Variants in TNRC18 observed in about 807,000 individuals in gnomAD.
The protein encoded by TNRC18 is trinucleotide repeat containing 18.
TNRC18 carries 69 observed loss-of-function variants against 226.7 expected under a neutral mutation model. The ratio of observed to expected loss-of-function variants is 0.30; its 90% CI spans 0.25 to 0.37. TNRC18 has a LOEUF of 0.37. TNRC18 is among the 10% of genes least tolerant of loss of function. TNRC18 has a pLI of 1.00. For synonymous variants in TNRC18, 2,449 were observed against 1,927.6 expected, an observed-to-expected ratio of 1.27 and a Z score of -7.09; for missense variants, 4,754 against 4,256.6, an observed-to-expected ratio of 1.12 and a Z score of -3.25.
At chr7:5,399,944 AG>A (rs1487821399) in intron 2 of TNRC18, among the ~76,000 whole-genome samples, 1 of 151,222 alleles carries the variant, frequency 6.6e-6, no homozygotes, top group Non-Finnish European at 1.5e-5. Flanking sequence ...TGGGGAGCTG[AG>A]GTGGTGCGAT....
chr7:5,364,923 G>T (rs920123435), intron 11 of TNRC18, among the ~76,000 whole-genome samples: 6 of 151,364 alleles, frequency 4.0e-5, no homozygotes, highest in African/African-American at 1.5e-4. Flanking sequence ...CTCATTATGA[G>T]CTTGGACCTT....
Position 5,388,172 on chromosome 7 carries a change from T to G in TNRC18, c.1652A>C (p.Tyr551Ser), listed in dbSNP as rs757573347. The G allele has an allele frequency of 1.3e-5, 21 of 1,579,852 alleles. No homozygotes were observed. Among genetic ancestry groups the G allele is most frequent in the Non-Finnish European group, 1.7e-5 (20 of 1,164,976 alleles). ...VVAASSSKKA[Y>S]LDPGAVLPRS... ...GGGCAGCACAGCCCCAGGGTCCAGG[T>G]AGGCCTTCTTGGAGGAGGAGGCAGC... The change falls in exon 5 of 30, where the codon TAC (tyrosine) becomes TCC (serine). Residue 551 changes from tyrosine (Y) to serine (S), a missense_variant. By Grantham distance (144) the Tyr-to-Ser change is moderately radical. Coordinates refer to ENST00000430969, the MANE Select transcript of TNRC18 (RefSeq NM_001080495.3).
At chr7:5,407,347 T>A (rs1781543184) in intron 2 of TNRC18, 1 of 152,442 alleles carries the variant, frequency 6.6e-6, no homozygotes, top group Admixed American at 6.5e-5. Flanking sequence ...CTGCCCCACC[T>A]GGGGCAGGAG....
At chr7:5,409,547 C>T (rs1331949565) in intron 2 of TNRC18, among the ~76,000 whole-genome samples, 2 of 151,580 alleles carry the variant, frequency 1.3e-5, no homozygotes, top group Non-Finnish European at 2.9e-5. Flanking sequence ...AGTGATTGCA[C>T]CACTGAACTC....
chr7:5,367,052 G>A (rs1176715943), intron 11 of TNRC18, among the ~76,000 whole-genome samples: 1 of 152,160 alleles, frequency 6.6e-6, no homozygotes, highest in African/African-American at 2.4e-5. Flanking sequence ...CATTCCGTAA[G>A]GCTGGTGTCC....
rs1791119236 is a variant in TNRC18 at position 5,345,740 on chromosome 7, G to A, written c.5541C>T (p.Tyr1847=). ...GGGCCCGCTCCCGGGCACCCAGCCT[G>A]TAGCCACCACCGCTGGCCTCGTCCT... ...EEEDEASGGG[Y]RLGARERALS... Residue 1847 remains tyrosine (Y), a synonymous_variant, in exon 18 of 30, where the codon TAC becomes TAT. Coordinates refer to ENST00000430969, the MANE Select transcript of TNRC18 (RefSeq NM_001080495.3). The A allele has an allele frequency of 1.3e-6, 2 of 1,548,526 alleles. No individual in the cohort carries two copies. The highest frequency in any genetic ancestry group is 8.7e-7 in the Non-Finnish European group (1 of 1,146,830).
At chr7:5,342,236 C>T (rs562577539) in intron 18 of TNRC18, among the ~76,000 whole-genome samples, 21 of 152,252 alleles carry the variant, frequency 1.4e-4, no homozygotes, top group Non-Finnish European at 3.1e-4. Flanking sequence ...CCAGACCAGT[C>T]TGGCCGACAT....
chr7:5,360,677 TG>T (rs1792941439), intron 14 of TNRC18, among the ~76,000 whole-genome samples: 2 of 152,182 alleles, frequency 1.3e-5, no homozygotes, highest in Admixed American at 1.3e-4. Context: ...ACGCTGCTGG[TG>T]GCCGCAGCCT....
chr7:5,400,201 ATTATTG>A (rs1455901555), intron 2 of TNRC18, among the ~76,000 whole-genome samples: 1 of 152,018 alleles, frequency 6.6e-6, no homozygotes, highest in Non-Finnish European at 1.5e-5. Flanking sequence ...CTGGTCTATG[ATTATTG>A]TTATTATTTA....
At chr7:5,406,788 T>C (rs1261143426) in intron 2 of TNRC18, among the ~76,000 whole-genome samples, 2 of 150,354 alleles carry the variant, frequency 1.3e-5, no homozygotes, top group Non-Finnish European at 3.0e-5. Context: ...GAGGCAGAGG[T>C]TGCAGTGAGC....
chr7:5,400,102 G>A (rs563838709), intron 2 of TNRC18, among the ~76,000 whole-genome samples: 4 of 152,016 alleles, frequency 2.6e-5, no homozygotes, highest in East Asian at 3.9e-4. Flanking sequence ...ACTATGTTGC[G>A]AAGTCTGGGG....
rs745451918 is a variant in TNRC18, at chr7:5,371,330, T to C, written c.3264A>G (p.Pro1088=). The C allele has an allele frequency of 4.6e-6, 7 of 1,527,564 alleles. No individual in the cohort carries two copies. In the East Asian group the frequency reaches 1.6e-4, roughly 35 times the overall value. The allele number at this position is 1,527,564 out of a possible 1,614,324, so 94.6% of individuals were successfully genotyped here. Residue 1088 remains proline (P), a synonymous_variant, in exon 11 of 30, where the codon CCA becomes CCG. Transcript: ENST00000430969. ...AAGGGTAGGGCCTCCCGTAGTGCGG[T>C]GGCAGGGCTTGGAACGGGTACCTGG... The part of the protein sequence containing the change: ...IPPRYPFQAL[P]PHYGRPYPFL...
Position 5,423,818 on chromosome 7 carries a change from T to C in TNRC18, c.-621A>G, listed in dbSNP as rs542104264. Among the ~76,000 whole-genome samples the C allele has an allele frequency of 6.8e-6, 1 of 147,548 alleles. No homozygotes were observed. Among genetic ancestry groups the C allele is most frequent in the South Asian group, 2.2e-4 (1 of 4,530 alleles). ...TACATTACACAACCCCCCTTTCAAG[T>C]TCCTCTCGCAGGATCTAAAAAAAAA... On this transcript the variant is annotated 5_prime_UTR_variant, in exon 1 of 30. Transcript: ENST00000430969.
chr7:5,387,963 G>A lies in TNRC18; in HGVS notation c.1861C>T (p.Pro621Ser), dbSNP rs779151169. Residue 621 changes from proline (P) to serine (S), a missense_variant, in exon 5 of 30, where the codon CCC (proline) becomes TCC (serine). Coordinates refer to ENST00000430969, the MANE Select transcript of TNRC18 (RefSeq NM_001080495.3). ...CCCGCAGAGGTGGGCGCAGGCTCGG[G>A]TTTCATGGTGCCCAAACCTCCAAAG... ...SPFGGLGTMK[P>S]EPAPTSAGAS... is the part of the protein sequence containing the mutation. 3 of 1,597,420 alleles carry A rather than the reference G, an allele frequency of 1.9e-6. No individual in the cohort carries two copies. The highest frequency in any genetic ancestry group is 1.1e-5 in the South Asian group (1 of 88,858).
intron 21 of TNRC18, among the ~76,000 whole-genome samples, chr7:5,323,093 C>T (rs1788539491): frequency 6.6e-6 from 1 of 152,194 alleles, no homozygotes; most frequent in Admixed American, 6.5e-5. Flanking sequence ...TCTGCATGGC[C>T]ACCCAGCAGC....
chr7:5,374,159 G>T lies in TNRC18; in HGVS notation c.3125C>A (p.Thr1042Asn). The part of the protein sequence containing the change: ...TSPPPASPPP[T>N]PGITRKEEAP... ...CTCCTCCTTGCGGGTGATACCCGGG[G>T]TGGGCGGTGGGGAGGCGGGCGGCGG... Residue 1042 changes from threonine to asparagine, a missense_variant, in exon 10 of 30, where the codon ACC becomes AAC. Coordinates refer to ENST00000430969, the MANE Select transcript of TNRC18 (RefSeq NM_001080495.3). The T allele has an allele frequency of 6.7e-7, 1 of 1,492,910 alleles. No individual in the cohort carries two copies. Among genetic ancestry groups the T allele is most frequent in the Non-Finnish European group, 8.9e-7 (1 of 1,124,754 alleles). 92.5% of individuals were successfully genotyped at this position (1,492,910 alleles called of 1,614,324 possible). A position where few individuals can be genotyped will look rare whatever the true frequency, so the allele number is the denominator to read the frequency against.
At chr7:5,334,345 G>A (rs1303958456) in intron 18 of TNRC18, among the ~76,000 whole-genome samples, 3 of 151,984 alleles carry the variant, frequency 2.0e-5, no homozygotes, top group African/African-American at 7.3e-5. Flanking sequence ...CGCCCAGGCT[G>A]GAGTGCAGTG....
intron 11 of TNRC18, among the ~76,000 whole-genome samples, chr7:5,363,915 G>A (rs1473923155): frequency 1.3e-5 from 2 of 152,054 alleles, no homozygotes; most frequent in African/African-American, 4.8e-5. Flanking sequence ...CCTCCCTCGG[G>A]AGGCTACTGT....
At chr7:5,416,111 CAAA>C (rs35630581) in intron 2 of TNRC18, among the ~76,000 whole-genome samples, 9 of 83,172 alleles carry the variant, frequency 1.1e-4, no homozygotes, top group African/African-American at 1.4e-4. Flanking sequence ...GACTCTCTCG[CAAA>C]AAAAAAAAAA....
Sources: allele counts gnomAD v4.1 joint callset (sites outside exome capture counted in the v4.1 genomes callset), GRCh38; gene constraint gnomAD v4.1.1; transcripts MANE v1.5; gene names NCBI Gene and HGNC (gene_info 2026-07-23, HGNC 2026-07-21).